LRRC45: variants seen among roughly 807,000 people sequenced by gnomAD.
The protein encoded by LRRC45 is leucine-rich repeat-containing protein 45.
In LRRC45, 73 loss-of-function variants were observed where a neutral mutation model predicts 85.4. The observed-to-expected ratio is 0.85, with a 90% CI of 0.71 to 1.04. The LOEUF (loss-of-function observed/expected upper bound fraction) is 1.04, where lower values mean the gene tolerates loss of function less well. Ranked by LOEUF, LRRC45 falls within the 50% of genes least tolerant of loss-of-function variation. LRRC45 has a pLI of 0.00. For synonymous variants in LRRC45, 429 were observed against 386.0 expected, an observed-to-expected ratio of 1.11 and a Z score of -1.31; for missense variants, 937 against 883.3, an observed-to-expected ratio of 1.06 and a Z score of -0.77.
chr17:82,023,699 C>G lies in LRRC45; in HGVS notation c.56C>G (p.Pro19Arg). ...SRLCRESGAE[P>R]QEAVLQQLHQ... ...CTGTGCAGGGAGAGTGGGGCCGAGC[C>G]CCAGGAGGCTGTCCTGCAGCAGCTG... is the stretch of plus-strand genomic sequence containing the variant. Residue 19 changes from proline to arginine, a missense_variant, in exon 1 of 17, where the codon CCC (proline) becomes CGC (arginine). By Grantham distance (103) the Pro-to-Arg change is moderately radical. Transcript: ENST00000306688. 6.4e-7 allele frequency: 1 copy of G among 1,553,014 alleles called. No individual in the cohort carries two copies. Among genetic ancestry groups the G allele is most frequent in the Non-Finnish European group, 8.7e-7 (1 of 1,155,054 alleles).
chr17:82,025,160 AC>A lies in LRRC45; in HGVS notation c.516del (p.Thr173ProfsTer21). Reference sequence around the variant, plus strand: ...GCTGGCCCTAGCCCTGAAGGGCAACACCACCCTCCAGCAGCTGGGTGAGGCC... The same window carrying A: ...GCTGGCCCTAGCCCTGAAGGGCAACACACCCTCCAGCAGCTGGGTGAGGCC... Reference protein sequence around the residue: ...EELALALKGNTTLQQLDLRWN... With the variant: ...EELALALKGNXTLQQLDLRWN... On this transcript the variant is annotated frameshift_variant, in exon 4 of 17. Transcript: ENST00000306688. LOFTEE classifies it high-confidence loss of function. 1 of 1,600,554 alleles carries A rather than the reference AC, an allele frequency of 6.2e-7. No individual in the cohort carries two copies.
intron 5 of LRRC45, 83 bp downstream of exon 5, chr17:82,025,590 G>C: frequency 2.8e-6 from 4 of 1,434,680 alleles, no homozygotes; most frequent in Non-Finnish European, 3.7e-6. Flanking sequence ...GGCTCAGGAC[G>C]GGAACTGATG....
intron 5 of LRRC45, among the ~76,000 whole-genome samples, chr17:82,025,777 G>A (rs965692770): frequency 6.6e-6 from 1 of 152,238 alleles, no homozygotes; most frequent in Non-Finnish European, 1.5e-5. Context: ...TGGGGAAGCT[G>A]AGGCCGTGTG....
rs757010569 is a variant in LRRC45 at position 82,025,029 on chromosome 17, C to G, written c.383C>G (p.Thr128Arg). 22 of 1,600,968 alleles carry G rather than the reference C, an allele frequency of 1.4e-5. No homozygotes were observed. The highest frequency in any genetic ancestry group is 2.7e-5 in the African/African-American group (2 of 74,692). ...SLTLEWNSLG[T>R]WDDAFATFCG... ...ACGCTGGAGTGGAACAGCCTGGGCA[C>G]GTGGGACGATGCCTTCGCCACCTTC... The change falls in exon 4 of 17, where the codon ACG (threonine) becomes AGG (arginine). Residue 128 changes from threonine (T) to arginine (R), a missense_variant. Thr to Arg is a moderately conservative substitution (Grantham distance 71). Coordinates refer to ENST00000306688, the MANE Select transcript of LRRC45 (RefSeq NM_144999.4).
intron 1 of LRRC45, 66 bp from the exon 2 acceptor site, chr17:82,024,212 G>A: frequency 6.4e-7 from 1 of 1,564,492 alleles, no homozygotes; most frequent in Non-Finnish European, 8.7e-7. Flanking sequence ...GCCCTGAAAA[G>A]GGGCCCACGG....
intron 8 of LRRC45, 100 bp from the exon 9 acceptor site, chr17:82,027,911 T>G: frequency 6.5e-7 from 1 of 1,527,700 alleles, no homozygotes; most frequent in Admixed American, 1.9e-5. Flanking sequence ...GGGTGCTGGC[T>G]GGGGTTGACT....
Position 82,025,873 on chromosome 17 carries a change from T to C in LRRC45, c.661+366T>C, listed in dbSNP as rs189790888. ...GGCCAGGAAGGCTCCCTGGTCACCC[T>C]GAGTCTGTGGCCCTGCATGTGAGTC... On this transcript the variant is annotated intron_variant, in intron 5 of 16. Transcript: ENST00000306688. Among the ~76,000 whole-genome samples the C allele has an allele frequency of 2.7e-3, 408 of 152,320 alleles. 2 individuals are homozygous for C. Among genetic ancestry groups the C allele is most frequent in the African/African-American group, 9.3e-3 (388 of 41,566 alleles).
At position 82,023,375 on chromosome 17, in the gene LRRC45, G is replaced by A. The variant is rs1218489364; in HGVS notation, c.-269G>A. The A allele has an allele frequency of 4.0e-6, 2 of 494,170 alleles. No individual in the cohort carries two copies. Among genetic ancestry groups the A allele is most frequent in the Non-Finnish European group, 7.1e-6 (2 of 281,446 alleles). 30.6% of individuals were successfully genotyped at this position (494,170 alleles called of 1,614,324 possible). On this transcript the variant is annotated 5_prime_UTR_variant, in exon 1 of 17. Transcript: ENST00000306688. ...GGGGTCGGGGCTGCAGGCGGGGCAG[G>A]GCTGGGTGGGGGCGCGCGACGCACC...
rs180860317 is a variant in LRRC45, at chr17:82,029,506, G to A, written c.1402-37G>A. The A allele has an allele frequency of 3.4e-4, 519 of 1,547,298 alleles. 1 individual carries two copies. Among genetic ancestry groups the A allele is most frequent in the Admixed American group, 1.8e-3 (92 of 51,248 alleles). ...AGAGAGAGAAGGGCCCTGGGCCAGG[G>A]ACAGGAGAACGGGCTGGCAGGTGGC... On this transcript the variant is annotated intron_variant, in intron 13 of 16. Coordinates refer to ENST00000306688, the MANE Select transcript of LRRC45 (RefSeq NM_144999.4).
intron 5 of LRRC45, among the ~76,000 whole-genome samples, chr17:82,026,377 G>A (rs981176386): frequency 6.6e-6 from 1 of 152,166 alleles, no homozygotes. Context: ...AACACCAGGC[G>A]GCTCTTGCTC....
At chr17:82,023,907 C>G (rs561524132) in intron 1 of LRRC45, 44 bp downstream of exon 1, 81 of 1,504,918 alleles carry the variant, frequency 5.4e-5, no homozygotes, top group Non-Finnish European at 7.1e-5. Context: ...CCTTAGCTGC[C>G]CACACCATTG....
At chr17:82,024,431 G>A in intron 2 of LRRC45, 92 bp downstream of exon 2, 1 of 1,489,138 alleles carries the variant, frequency 6.7e-7, no homozygotes, top group Non-Finnish European at 9.2e-7. Flanking sequence ...CTGGGGTCTG[G>A]GCAGGTGGCT....
chr17:82,025,534 C>G, intron 5 of LRRC45, 27 bp downstream of exon 5: 2 of 1,517,268 alleles, frequency 1.3e-6, no homozygotes, highest in Non-Finnish European at 1.8e-6. Context: ...TGTGGAGTGA[C>G]GCGTGAGCCT....
intron 2 of LRRC45, 131 bp downstream of exon 2, chr17:82,024,470 T>C: frequency 1.8e-6 from 2 of 1,115,358 alleles, no homozygotes; most frequent in South Asian, 1.4e-5. Flanking sequence ...CCCAGGCCGC[T>C]CTCTGATGGC....
At position 82,028,295 on chromosome 17, in the gene LRRC45, T is replaced by C. The variant is rs1431661542; in HGVS notation, c.1109T>C (p.Leu370Pro). 3 of 1,590,450 alleles carry C rather than the reference T, an allele frequency of 1.9e-6. No individual in the cohort carries two copies. The highest frequency in any genetic ancestry group is 1.3e-5 in the African/African-American group (1 of 74,772). ...RDLSAANEKN[L>P]LLQNQVDELE... ...TTGTCTGCTGCCAATGAAAAGAACC[T>C]GCTTCTGCAAAACCAGGTAGCTGTG... is the stretch of plus-strand genomic sequence containing the variant. The change falls in exon 10 of 17, where the codon CTG becomes CCG. Residue 370 changes from leucine (L) to proline (P), a missense_variant. Transcript: ENST00000306688.
chr17:82,028,212 C>T (rs376004370), intron 9 of LRRC45, 22 bp from the exon 10 acceptor site: 1 of 1,564,006 alleles, frequency 6.4e-7, no homozygotes, highest in Non-Finnish European at 8.7e-7. Flanking sequence ...CCCTCACTAC[C>T]CATACCCCGT....
Position 82,027,435 on chromosome 17 carries a change from A to AG in LRRC45, c.825dup (p.Ser276GlufsTer18). 6.2e-7 allele frequency: 1 copy of AG among 1,612,732 alleles called. No homozygotes were observed. Among genetic ancestry groups the AG allele is most frequent in the Admixed American group, 1.7e-5 (1 of 60,032 alleles). Reference sequence around the variant, plus strand: ...GATAAGCAGCGAGAAGAGATGGCCAAGAGCAGCAGGTGAGCGGGCCCAGGG... The same window carrying AG: ...GATAAGCAGCGAGAAGAGATGGCCAAGGAGCAGCAGGTGAGCGGGCCCAGGG... On this transcript the variant is annotated frameshift_variant, in exon 7 of 17. Coordinates refer to ENST00000306688, the MANE Select transcript of LRRC45 (RefSeq NM_144999.4). LOFTEE classifies it high-confidence loss of function.
intron 5 of LRRC45, chr17:82,026,680 G>A: frequency 2.5e-6 from 1 of 398,962 alleles, no homozygotes; most frequent in Non-Finnish European, 4.8e-6. Flanking sequence ...CCCGGTTCAA[G>A]CGATTTTCCT....
intron 5 of LRRC45, among the ~76,000 whole-genome samples, chr17:82,025,960 C>T (rs557661957): frequency 3.3e-5 from 5 of 152,304 alleles, no homozygotes; most frequent in East Asian, 3.9e-4. Flanking sequence ...CCAGCGACCC[C>T]GAATCCTTGC....
Sources: gnomAD v4.1 joint callset for allele counts (sites outside exome capture counted in the v4.1 genomes callset) on GRCh38, gnomAD v4.1.1 for gene constraint, MANE v1.5 for transcripts, NCBI Gene and HGNC (gene_info 2026-07-23, HGNC 2026-07-21) for gene names.